Variants in WDFY3 observed in about 807,000 individuals in gnomAD.
WDFY3 encodes WD repeat and FYVE domain containing 3, also known as WD repeat and FYVE domain-containing protein 3.
Under a neutral mutation model 409.6 loss-of-function variants are expected in WDFY3, and 66 were observed. The observed-to-expected ratio is 0.16, with a 90% CI of 0.13 to 0.20. The LOEUF is 0.20. Among genes scored for constraint, WDFY3 ranks in the 10% least tolerant of loss-of-function variants. The probability of loss-of-function intolerance (pLI) is 1.00; values close to 1 mark genes in which losing one functional copy is unlikely to be tolerated. For synonymous variants in WDFY3, 1,521 were observed against 1,537.1 expected, an observed-to-expected ratio of 0.99 and a Z score of 0.25; for missense variants, 3,031 against 4,298.1, an observed-to-expected ratio of 0.71 and a Z score of 8.24.
chr4:84,861,657 A>G (rs1015050495), intron 3 of WDFY3, among the ~76,000 whole-genome samples: 1 of 152,162 alleles, frequency 6.6e-6, no homozygotes, highest in African/African-American at 2.4e-5. Flanking sequence ...GAAAAGAATA[A>G]CTTGTTTCAT....
At chr4:84,781,251 C>T (rs1473627940) in intron 25 of WDFY3, among the ~76,000 whole-genome samples, 3 of 152,026 alleles carry the variant, frequency 2.0e-5, no homozygotes, top group South Asian at 4.2e-4. Context: ...ACCTACATTC[C>T]TAACATTTTA....
At chr4:84,947,558 TA>T (rs1413364743) in intron 1 of WDFY3, among the ~76,000 whole-genome samples, 1 of 145,296 alleles carries the variant, frequency 6.9e-6, no homozygotes, top group East Asian at 2.0e-4. Flanking sequence ...AATAAATAAA[TA>T]AAATAAAATA....
chr4:84,916,962 T>C (rs1199814859), intron 2 of WDFY3, among the ~76,000 whole-genome samples: 1 of 152,116 alleles, frequency 6.6e-6, no homozygotes, highest in Admixed American at 6.6e-5. Context: ...AAGAGATGAA[T>C]AGATATATAT....
intron 3 of WDFY3, among the ~76,000 whole-genome samples, chr4:84,892,361 CA>C (rs34199696): frequency 4.8e-5 from 7 of 145,406 alleles, no homozygotes; most frequent in Non-Finnish European, 7.6e-5. Flanking sequence ...TAAGAATCTC[CA>C]AAAAAAAAGG....
chr4:84,894,552 C>T (rs1460188291), intron 3 of WDFY3, among the ~76,000 whole-genome samples: 3 of 151,838 alleles, frequency 2.0e-5, no homozygotes, highest in Non-Finnish European at 4.4e-5. Flanking sequence ...TCTGGGAGGG[C>T]GAGGCAGGTG....
chr4:84,848,855 T>C (rs370126316), intron 5 of WDFY3, among the ~76,000 whole-genome samples: 1 of 152,174 alleles, frequency 6.6e-6, no homozygotes, highest in Non-Finnish European at 1.5e-5. Flanking sequence ...TTATTGACCC[T>C]TGGTTTTGTA....
Position 84,821,267 on chromosome 4 carries a change from A to G in WDFY3, c.1408T>C (p.Leu470=), listed in dbSNP as rs1489059830. 1.2e-6 allele frequency: 2 copies of G among 1,613,680 alleles called. No homozygotes were observed. The highest frequency in any genetic ancestry group is 2.2e-5 in the East Asian group (1 of 44,866). The change falls in exon 11 of 68, where the codon TTA becomes CTA. Residue 470 remains leucine, a synonymous_variant. Transcript: ENST00000295888. ...CAGTGATAAGAAGAGCTAGATTTTA[A>G]GAGGATACTGACACTAATAAGTTCT... ...CKELISVSIL[L]KSSSSYHCSI... is the part of the protein sequence containing the mutation.
At chr4:84,684,268 T>C in intron 62 of WDFY3, 143 bp from the exon 63 acceptor site, 1 of 728,864 alleles carries the variant, frequency 1.4e-6, no homozygotes, top group Non-Finnish European at 2.0e-6. Flanking sequence ...TAACCTGAAA[T>C]TCAGTGCTTG....
intron 1 of WDFY3, among the ~76,000 whole-genome samples, chr4:84,956,109 A>G (rs886326677): frequency 1.3e-5 from 2 of 152,226 alleles, no homozygotes; most frequent in African/African-American, 2.4e-5. Context: ...CTTTAAGTCT[A>G]TATTGGCTGG....
intron 3 of WDFY3, among the ~76,000 whole-genome samples, chr4:84,876,320 G>T (rs1334936922): frequency 1.3e-5 from 2 of 152,090 alleles, no homozygotes; most frequent in African/African-American, 4.8e-5. Flanking sequence ...CATTAAGAGA[G>T]ACAGTATAAC....
chr4:84,938,092 T>C (rs1771658800), intron 1 of WDFY3, among the ~76,000 whole-genome samples: 1 of 152,288 alleles, frequency 6.6e-6, no homozygotes, highest in South Asian at 2.1e-4. Context: ...TATTTGTCTA[T>C]GTCCTTCCAT....
At chr4:84,710,217 A>C (rs1410458897) in intron 51 of WDFY3, among the ~76,000 whole-genome samples, 1 of 152,178 alleles carries the variant, frequency 6.6e-6, no homozygotes, top group African/African-American at 2.4e-5. Context: ...TCACTAAGTA[A>C]ACAGATCCAA....
At chr4:84,681,684 G>T (rs1241358650) in intron 64 of WDFY3, among the ~76,000 whole-genome samples, 1 of 150,878 alleles carries the variant, frequency 6.6e-6, no homozygotes, top group Non-Finnish European at 1.5e-5. Flanking sequence ...TTCAAACCTT[G>T]TTCCTTTCCA....
chr4:84,831,738 AT>A (rs1755769903), intron 7 of WDFY3, 133 bp from the exon 8 acceptor site: 1 of 730,334 alleles, frequency 1.4e-6, no homozygotes, highest in Admixed American at 3.1e-5. Context: ...ATATGAAAAA[AT>A]GCTCAACATC....
At chr4:84,783,976 T>A (rs1305351631) in intron 24 of WDFY3, among the ~76,000 whole-genome samples, 1 of 152,058 alleles carries the variant, frequency 6.6e-6, no homozygotes, top group Non-Finnish European at 1.5e-5. Context: ...TTGCCTCTGA[T>A]AATCAGCCAA....
chr4:84,888,567 C>G (rs1192609674), intron 3 of WDFY3, among the ~76,000 whole-genome samples: 3 of 152,052 alleles, frequency 2.0e-5, no homozygotes, highest in Admixed American at 2.0e-4. Context: ...AAAAAAGATA[C>G]TCAGGTTCCA....
intron 30 of WDFY3, among the ~76,000 whole-genome samples, chr4:84,772,248 C>T (rs1484987695): frequency 6.6e-6 from 1 of 152,034 alleles, no homozygotes; most frequent in African/African-American, 2.4e-5. Context: ...CTCTCCTGTC[C>T]TAGCATATAC....
rs1311380980 is a variant in WDFY3, at chr4:84,711,249, G to A, written c.8043-1902C>T. ...CTAAGATGAAGCACAGCTATAAGGAGCATAAAGGAATCACTGATAGGTCAG... is the reference window on the plus strand; with the variant it reads ...CTAAGATGAAGCACAGCTATAAGGAACATAAAGGAATCACTGATAGGTCAG... On this transcript the variant is annotated intron_variant, in intron 51 of 67. Transcript: ENST00000295888. 3.3e-5 allele frequency among the ~76,000 whole-genome samples: 5 copies of A among 152,152 alleles called. No homozygotes were observed. In the East Asian group the frequency reaches 9.6e-4, roughly 29 times the overall value.
At chr4:84,819,803 G>GT (rs1349029258) in intron 12 of WDFY3, among the ~76,000 whole-genome samples, 1 of 152,042 alleles carries the variant, frequency 6.6e-6, no homozygotes, top group African/African-American at 2.4e-5. Context: ...ACTTATTTGA[G>GT]TAAGAGTGTA....
Sources: gnomAD v4.1 joint callset for allele counts (sites outside exome capture counted in the v4.1 genomes callset) on GRCh38, gnomAD v4.1.1 for gene constraint, MANE v1.5 for transcripts, NCBI Gene and HGNC (gene_info 2026-07-23, HGNC 2026-07-21) for gene names.